Variants in CDK11B observed in about 807,000 individuals in gnomAD.
CDK11B encodes the protein cyclin-dependent kinase 11B.
Under a neutral mutation model 84.0 loss-of-function variants are expected in CDK11B, and 37 were observed. That is an observed-to-expected ratio of 0.44 (90% CI 0.34 to 0.58). The LOEUF is 0.58. Among genes scored for constraint, CDK11B ranks in the 20% least tolerant of loss-of-function variants. The pLI, the probability that CDK11B is intolerant of heterozygous loss-of-function variation, is 0.02. For missense variants in CDK11B, 427 were observed against 834.0 expected (o/e 0.51, Z 6.01); for synonymous variants, 269 against 309.8 (o/e 0.87, Z 1.38).
At chr1:1,638,646 C>CGCCCT (rs1163320995) in intron 11 of CDK11B, 56 bp from the exon 12 acceptor site, 1 of 1,268,882 alleles carries the variant, frequency 7.9e-7, no homozygotes, top group Non-Finnish European at 1.1e-6. Flanking sequence ...GGAGGGAGGG[C>CGCCCT]GGCTGCGTCC....
Position 1,636,753 on chromosome 1 carries a change from C to G in CDK11B, c.1846G>C (p.Gly616Arg). The change falls in exon 17 of 20, where the codon GGG becomes CGG. Residue 616 changes from glycine to arginine, a missense_variant. Gly to Arg is a moderately radical substitution (Grantham distance 125). Coordinates refer to ENST00000341832, the MANE Select transcript of CDK11B (RefSeq NM_033486.3). ...AGAGGCTTCTGAGTCAGCAGCTCCC[C>G]GAAGATGCAACCCACTGACCACATG... is the stretch of plus-strand genomic sequence containing the variant. ...VDMWSVGCIF[G>R]ELLTQKPLFP... 1.2e-6 allele frequency: 2 copies of G among 1,613,916 alleles called. No individual in the cohort carries two copies. The highest frequency in any genetic ancestry group is 1.7e-6 in the Non-Finnish European group (2 of 1,179,866).
intron 5 of CDK11B, 98 bp downstream of exon 5, chr1:1,649,401 C>T (rs1437804497): frequency 1.1e-6 from 1 of 933,668 alleles, no homozygotes; most frequent in Non-Finnish European, 1.7e-6. Flanking sequence ...ACACCTGGCT[C>T]AGATGTGACT....
At chr1:1,639,513 C>A (rs1375508552) in intron 11 of CDK11B, among the ~76,000 whole-genome samples, 3 of 151,942 alleles carry the variant, frequency 2.0e-5, no homozygotes, top group Non-Finnish European at 4.4e-5. Flanking sequence ...CTGCCAGGCG[C>A]AGCATGATGC....
intron 13 of CDK11B, 56 bp downstream of exon 13, chr1:1,637,706 G>C (rs1171845263): frequency 6.2e-7 from 1 of 1,613,356 alleles, no homozygotes; most frequent in Non-Finnish European, 8.5e-7. Context: ...GGACAGCACG[G>C]GGCCCTGTCA....
chr1:1,657,106 G>C, intron 2 of CDK11B: 1 of 1,019,954 alleles, frequency 9.8e-7, no homozygotes, highest in Non-Finnish European at 1.5e-6. Flanking sequence ...AGAAAAATTA[G>C]TCCAGTTTTG....
At chr1:1,656,732 C>T (rs12731916) in intron 2 of CDK11B, among the ~76,000 whole-genome samples, 8,475 of 151,980 alleles carry the variant, frequency 0.056, 342 homozygotes, top group Non-Finnish European at 0.088. Flanking sequence ...GGCGACAGTG[C>T]GAGACTCCGT....
Position 1,645,755 on chromosome 1 carries a change from G to C in CDK11B, c.495-493C>G, listed in dbSNP as rs555461523. The C allele has an allele frequency of 1.9e-4, 62 of 333,610 alleles. No individual in the cohort carries two copies. The East Asian group carries it at 4.9e-3, about 27-fold the overall frequency. The allele number at this position is 333,610 out of a possible 1,614,324, so 20.7% of individuals were successfully genotyped here. On this transcript the variant is annotated intron_variant, in intron 5 of 19. Coordinates refer to ENST00000341832, the MANE Select transcript of CDK11B (RefSeq NM_033486.3). The stretch of plus-strand genomic sequence containing the variant: ...GTTTGCTTCATGGATTTTGGGCTCT[G>C]TGGTTAGATGCATTCACACGTATCA...
chr1:1,635,491 T>G lies in CDK11B; in HGVS notation c.*273A>C. 5.5e-6 allele frequency: 2 copies of G among 365,498 alleles called. No homozygotes were observed. The highest frequency in any genetic ancestry group is 7.0e-5 in the East Asian group (1 of 14,250). 22.6% of individuals were successfully genotyped at this position (365,498 alleles called of 1,614,324 possible). ...CAGCCAGCCCCGTGCGTGTCGAGAGTGGGAGAGGGTGTGTGGAGGTTTGTG... is the reference window on the plus strand; with the variant it reads ...CAGCCAGCCCCGTGCGTGTCGAGAGGGGGAGAGGGTGTGTGGAGGTTTGTG... On this transcript the variant is annotated 3_prime_UTR_variant, in exon 20 of 20. Coordinates refer to ENST00000341832, the MANE Select transcript of CDK11B (RefSeq NM_033486.3).
chr1:1,647,505 C>T (rs974703774), intron 5 of CDK11B, among the ~76,000 whole-genome samples: 1 of 152,248 alleles, frequency 6.6e-6, no homozygotes, highest in African/African-American at 2.4e-5. Flanking sequence ...AGCAATTAGC[C>T]AGCACTGGAA....
intron 6 of CDK11B, among the ~76,000 whole-genome samples, chr1:1,644,116 G>A (rs1178161333): frequency 6.6e-6 from 1 of 152,250 alleles, no homozygotes; most frequent in Non-Finnish European, 1.5e-5. Context: ...AAGCATCCAA[G>A]GGATCCTCTA....
At chr1:1,645,329 G>T in intron 5 of CDK11B, 67 bp from the exon 6 acceptor site, 1 of 1,610,952 alleles carries the variant, frequency 6.2e-7, no homozygotes. Flanking sequence ...GTCCACATTT[G>T]TAAACTGGCT....
chr1:1,649,580 C>T lies in CDK11B; in HGVS notation c.413G>A (p.Arg138Gln), dbSNP rs1303063468. The change falls in exon 5 of 20, where the codon CGA (arginine) becomes CAA (glutamine). Residue 138 changes from arginine (R) to glutamine (Q), a missense_variant. Physicochemically the swap from Arg to Gln is conservative, Grantham distance 43 (BLOSUM62 1). Transcript: ENST00000341832. ...EREHERRKRH[R>Q]EEQDKARREW... ...CCGGCGAGCTTTATCCTGTTCTTCT[C>T]GATGCCGTTTCCGACGTTCGTGCTC... is the stretch of plus-strand genomic sequence containing the variant. The T allele has an allele frequency of 1.9e-5, 30 of 1,606,898 alleles. No homozygotes were observed. The East Asian group carries it at 2.0e-4, about 11-fold the overall frequency.
At chr1:1,640,793 G>C (rs1210870030) in intron 10 of CDK11B, among the ~76,000 whole-genome samples, 2 of 152,180 alleles carry the variant, frequency 1.3e-5, no homozygotes, top group Admixed American at 1.3e-4. Context: ...ACCATCTGAC[G>C]GGCCTCCCCT....
intron 14 of CDK11B, 65 bp from the exon 15 acceptor site, chr1:1,637,267 C>T (rs1157662556): frequency 8.8e-6 from 14 of 1,593,494 alleles, no homozygotes; most frequent in Admixed American, 1.8e-5. Context: ...CAGGGTGGCC[C>T]ACTCGCCTCG....
At chr1:1,656,929 CAA>C (rs1217158669) in intron 2 of CDK11B, among the ~76,000 whole-genome samples, 1 of 152,180 alleles carries the variant, frequency 6.6e-6, no homozygotes, top group African/African-American at 2.4e-5. Flanking sequence ...AAGATCTTAG[CAA>C]AAGAGGTACT....
intron 4 of CDK11B, among the ~76,000 whole-genome samples, 171 bp from the exon 5 acceptor site, chr1:1,649,808 C>T (rs2100914345): frequency 2.0e-5 from 3 of 151,958 alleles, no homozygotes; most frequent in South Asian, 4.2e-4. Context: ...AACCCCGTCT[C>T]TACTAAAAAT....
intron 4 of CDK11B, among the ~76,000 whole-genome samples, chr1:1,651,730 C>A (rs1642037541): frequency 6.6e-6 from 1 of 151,260 alleles, no homozygotes; most frequent in Admixed American, 6.6e-5. Flanking sequence ...CACACGCATG[C>A]TTTCAGATAG....
chr1:1,635,578 A>C lies in CDK11B; in HGVS notation c.*186T>G, dbSNP rs1639174667. On this transcript the variant is annotated 3_prime_UTR_variant, in exon 20 of 20. Coordinates refer to ENST00000341832, the MANE Select transcript of CDK11B (RefSeq NM_033486.3). ...CCGCCCTGGGCAAGTCACGGAGAAA[A>C]CACAGCTCTTTCCTCCACAACAAGG... 3.3e-5 allele frequency: 16 copies of C among 489,432 alleles called. 4 individuals carry two copies. In the South Asian group the frequency reaches 3.4e-4, roughly 10 times the overall value. The allele number at this position is 489,432 out of a possible 1,614,324, so 30.3% of individuals were successfully genotyped here.
chr1:1,645,836 T>C (rs372538810), intron 5 of CDK11B: 61 of 348,028 alleles, frequency 1.8e-4, no homozygotes, highest in East Asian at 1.7e-3. Flanking sequence ...CCTTGCTCCT[T>C]CTTGTTTCTA....
Sources: allele counts gnomAD v4.1 joint callset (sites outside exome capture counted in the v4.1 genomes callset), GRCh38; gene constraint gnomAD v4.1.1; transcripts MANE v1.5; gene names NCBI Gene and HGNC (gene_info 2026-07-23, HGNC 2026-07-21).